The following EIF4E3 variants were observed in gnomAD, a reference collection of about 807,000 sequenced individuals.
EIF4E3 encodes eukaryotic translation initiation factor 4E type 3.
Under a neutral mutation model 31.7 loss-of-function variants are expected in EIF4E3, and 26 were observed. That is an observed-to-expected ratio of 0.82 (90% CI 0.60 to 1.14). EIF4E3 has a LOEUF of 1.14. Ranked by LOEUF, EIF4E3 falls within the 50% of genes most tolerant of loss-of-function variation. The pLI is 0.00. For synonymous variants in EIF4E3, 128 were observed against 107.7 expected (o/e 1.19, Z -1.17); for missense variants, 304 against 270.9 (o/e 1.12, Z -0.86).
chr3:71,752,126 T>C (rs2049935304), intron 1 of EIF4E3, among the ~76,000 whole-genome samples: 1 of 152,284 alleles, frequency 6.6e-6, no homozygotes, highest in East Asian at 1.9e-4. Context: ...ATATCCAAAC[T>C]GTCCCCAAGG....
chr3:71,664,759 C>T, the EIF4E3 span, among the ~76,000 whole-genome samples: 1 of 152,112 alleles, frequency 6.6e-6, no homozygotes, highest in African/African-American at 2.4e-5. Context: ...CCTATAATCC[C>T]AGCTACTCGG....
intron 1 of EIF4E3, among the ~76,000 whole-genome samples, chr3:71,735,652 C>T (rs1212500366): frequency 6.6e-6 from 1 of 152,120 alleles, no homozygotes; most frequent in African/African-American, 2.4e-5. Flanking sequence ...AAACACATGG[C>T]ACAAACTAAT....
chr3:71,672,656 C>G (rs1232431106), downstream of EIF4E3, among the ~76,000 whole-genome samples: 3 of 152,186 alleles, frequency 2.0e-5, no homozygotes, highest in African/African-American at 7.2e-5. Context: ...CTGCTCGGAG[C>G]CCGGCCTTTG....
chr3:71,748,485 G>A (rs987845335), intron 1 of EIF4E3, among the ~76,000 whole-genome samples: 2 of 152,130 alleles, frequency 1.3e-5, no homozygotes, highest in African/African-American at 2.4e-5. Flanking sequence ...GGTAGGAGGA[G>A]GAGAAGAGAA....
At chr3:71,661,293 A>C in the EIF4E3 span, among the ~76,000 whole-genome samples, 1 of 152,118 alleles carries the variant, frequency 6.6e-6, no homozygotes, top group Non-Finnish European at 1.5e-5. Context: ...CAGCAAGGTT[A>C]AAGGGACAGA....
chr3:71,722,629 C>G (rs2049569437), intron 1 of EIF4E3, among the ~76,000 whole-genome samples: 1 of 152,156 alleles, frequency 6.6e-6, no homozygotes, highest in South Asian at 2.1e-4. Context: ...AATTTTTTAA[C>G]CAAATAAGGA....
intron 1 of EIF4E3, among the ~76,000 whole-genome samples, chr3:71,750,462 T>C (rs1463188701): frequency 6.6e-6 from 1 of 152,230 alleles, no homozygotes; most frequent in Non-Finnish European, 1.5e-5. Flanking sequence ...TAGGATTAGA[T>C]GGTTTTGAAA....
chr3:71,711,992 A>G (rs1369827510), intron 1 of EIF4E3, among the ~76,000 whole-genome samples: 1 of 152,196 alleles, frequency 6.6e-6, no homozygotes, highest in African/African-American at 2.4e-5. Flanking sequence ...GAAAAAAACA[A>G]AAAATGCAAT....
At chr3:71,673,674 C>T (rs2048857706), downstream of EIF4E3, among the ~76,000 whole-genome samples, 1 of 151,806 alleles carries the variant, frequency 6.6e-6, no homozygotes, top group Non-Finnish European at 1.5e-5. Flanking sequence ...TCCTGCATTT[C>T]TTATAGTCTA....
chr3:71,728,109 C>A (rs1004744992), upstream of EIF4E3, among the ~76,000 whole-genome samples: 3 of 152,006 alleles, frequency 2.0e-5, no homozygotes, highest in Admixed American at 2.0e-4. Flanking sequence ...ATTTTAAAGA[C>A]CTAATAGCAT....
chr3:71,677,913 T>C lies in EIF4E3; in HGVS notation c.*6769A>G, dbSNP rs1429987170. On this transcript the variant is annotated 3_prime_UTR_variant, in exon 7 of 7. Transcript: ENST00000425534. ...ACTTATTCTAAAACGGAACCATTCT[T>C]AATAGAGGGTAAAGAAAAAGAATTA... The C allele has an allele frequency of 6.6e-6, 1 of 152,110 alleles. No individual in the cohort carries two copies. Among genetic ancestry groups the C allele is most frequent in the Non-Finnish European group, 1.5e-5 (1 of 68,020 alleles). 9.4% of individuals were successfully genotyped at this position (152,110 alleles called of 1,614,324 possible). A position where few individuals can be genotyped will look rare whatever the true frequency, so the allele number is the denominator to read the frequency against.
the EIF4E3 span, among the ~76,000 whole-genome samples, chr3:71,660,101 C>T: frequency 6.6e-6 from 1 of 152,176 alleles, no homozygotes; most frequent in African/African-American, 2.4e-5. Context: ...TGGAGAAGCT[C>T]TGCTCTAGGG....
upstream of EIF4E3, chr3:71,754,441 C>G (rs1177194794): frequency 1.5e-6 from 2 of 1,348,618 alleles, no homozygotes; most frequent in African/African-American, 3.0e-5. This position sits in a 1 kb window ranked among gnomAD's most constrained non-coding sequence, Gnocchi z 5.8. Context: ...CGCTTCTATG[C>G]AGAGCGCCTG....
chr3:71,698,715 A>G (rs1432438920), intron 3 of EIF4E3, among the ~76,000 whole-genome samples: 1 of 152,178 alleles, frequency 6.6e-6, no homozygotes, highest in African/African-American at 2.4e-5. Flanking sequence ...AGTACTGACA[A>G]TGGTAAACTT....
chr3:71,747,816 G>A (rs969996909), intron 1 of EIF4E3, among the ~76,000 whole-genome samples: 8 of 152,174 alleles, frequency 5.3e-5, no homozygotes, highest in South Asian at 2.1e-4. Flanking sequence ...GGGTTGGGGC[G>A]CAATTTCATT....
chr3:71,735,346 A>G (rs971770996), intron 1 of EIF4E3, among the ~76,000 whole-genome samples: 1 of 152,242 alleles, frequency 6.6e-6, no homozygotes, highest in Admixed American at 6.5e-5. Flanking sequence ...ACGAAAATGA[A>G]TCCTATGATA....
At chr3:71,685,890 C>T (rs755539806) in intron 6 of EIF4E3, among the ~76,000 whole-genome samples, 7 of 152,212 alleles carry the variant, frequency 4.6e-5, no homozygotes, top group African/African-American at 7.2e-5. Context: ...ATCCCCAACA[C>T]GCTACCCACA....
rs116346317 is a variant in EIF4E3 at position 71,694,106 on chromosome 3, T to C, written c.406-165A>G. Among the ~76,000 whole-genome samples the C allele has an allele frequency of 3.5e-3, 533 of 152,356 alleles. 3 individuals are homozygous for C. Among genetic ancestry groups the C allele is most frequent in the African/African-American group, 0.011 (478 of 41,582 alleles). On this transcript the variant is annotated intron_variant, in intron 4 of 6. Coordinates refer to ENST00000425534, the MANE Select transcript of EIF4E3 (RefSeq NM_001134651.2). ...TCCAAATCCTAGGTGCAAACACTTA[T>C]CACCGTGGCATATTTTTCATTGGTT...
chr3:71,687,746 G>A (rs1434133093), intron 6 of EIF4E3, among the ~76,000 whole-genome samples: 4 of 152,186 alleles, frequency 2.6e-5, no homozygotes, highest in Admixed American at 6.5e-5. Flanking sequence ...CCATCTACCC[G>A]CTAGAGGCCA....
Sources: allele counts gnomAD v4.1 joint callset (sites outside exome capture counted in the v4.1 genomes callset), GRCh38; gene constraint gnomAD v4.1.1; non-coding constraint Gnocchi (gnomAD v3.1); transcripts MANE v1.5; gene names NCBI Gene and HGNC (gene_info 2026-07-23, HGNC 2026-07-21).